The following MPP3 variants were observed in gnomAD, a reference collection of about 807,000 sequenced individuals.
MPP3 encodes MAGUK p55 scaffold protein 3, also known as MAGUK p55 subfamily member 3.
A neutral mutation model predicts 80.7 loss-of-function variants in MPP3; 48 were observed. The ratio of observed to expected loss-of-function variants is 0.59; its 90% CI spans 0.47 to 0.76. MPP3 has a LOEUF of 0.76. Among genes scored for constraint, MPP3 ranks in the 30% least tolerant of loss-of-function variants. The pLI, the probability that MPP3 is intolerant of heterozygous loss-of-function variation, is 0.00. For missense variants in MPP3, 620 were observed against 763.0 expected, an observed-to-expected ratio of 0.81 and a Z score of 2.21; for synonymous variants, 311 against 297.6, an observed-to-expected ratio of 1.04 and a Z score of -0.46.
In MPP3 at chr17:43,809,092, T is replaced by C. The variant is rs1452276856; in HGVS notation, c.1459-14A>G. ...TTGTTTCAGTGCCTGAGAAAGAAAG[T>C]TCAGGAATATTATATACTTTTGAAG... On this transcript the variant is annotated splice_polypyrimidine_tract_variant and intron_variant, in intron 18 of 19. Coordinates refer to ENST00000398389, the MANE Select transcript of MPP3 (RefSeq NM_001932.6). 1 of 1,576,718 alleles carries C rather than the reference T, an allele frequency of 6.3e-7. No homozygotes were observed. Among genetic ancestry groups the C allele is most frequent in the Non-Finnish European group, 8.5e-7 (1 of 1,169,842 alleles).
In MPP3 at chr17:43,808,828, A is replaced by G. The variant is rs184328403; in HGVS notation, c.1581+128T>C. On this transcript the variant is annotated intron_variant, in intron 19 of 19. Coordinates refer to ENST00000398389, the MANE Select transcript of MPP3 (RefSeq NM_001932.6). ...AAGTTTTTCAATAGGCAAAATGGAAAGACAATCACATGTAGAAGGTGTGTC... is the reference window on the plus strand; with the variant it reads ...AAGTTTTTCAATAGGCAAAATGGAAGGACAATCACATGTAGAAGGTGTGTC... 1.3e-5 allele frequency: 14 copies of G among 1,090,006 alleles called. No homozygotes were observed. In the Admixed American group the frequency reaches 3.7e-4, roughly 29 times the overall value. 67.5% of individuals were successfully genotyped at this position (1,090,006 alleles called of 1,614,324 possible).
chr17:43,811,867 A>G (rs2044877591), intron 16 of MPP3, among the ~76,000 whole-genome samples: 1 of 152,194 alleles, frequency 6.6e-6, no homozygotes, highest in South Asian at 2.1e-4. Context: ...TGCTGGGATT[A>G]CAGACATGAG....
chr17:43,802,933 C>T (rs1311048181), intron 19 of MPP3, among the ~76,000 whole-genome samples: 2 of 152,008 alleles, frequency 1.3e-5, no homozygotes, highest in Non-Finnish European at 2.9e-5. Flanking sequence ...TTTCAGGATT[C>T]GAGTCCTCAA....
At chr17:43,829,535 G>A (rs1000571563) in intron 7 of MPP3, 119 bp downstream of exon 7, 9 of 1,191,970 alleles carry the variant, frequency 7.6e-6, no homozygotes, top group South Asian at 1.4e-5. Flanking sequence ...GAGCAGCAGC[G>A]CAGGCAAAGC....
intron 18 of MPP3, 102 bp downstream of exon 18, chr17:43,810,705 A>ACTAAAAATT: frequency 1.3e-6 from 1 of 780,972 alleles, no homozygotes; most frequent in Admixed American, 2.6e-5. Flanking sequence ...AGTGTTCTAG[A>ACTAAAAATT]CTAAAAATTC....
chr17:43,818,695 C>G (rs376422912), intron 11 of MPP3, among the ~76,000 whole-genome samples: 1 of 152,150 alleles, frequency 6.6e-6, no homozygotes, highest in East Asian at 1.9e-4. Context: ...GAGGCCGAGG[C>G]GGGAGGATCA....
chr17:43,811,925 A>G (rs1357414169), intron 16 of MPP3, among the ~76,000 whole-genome samples: 1 of 151,670 alleles, frequency 6.6e-6, no homozygotes, highest in Non-Finnish European at 1.5e-5. Flanking sequence ...CACTTAAGGG[A>G]CCCCTAGTCC....
At chr17:43,824,599 G>A (rs2045612765) in intron 9 of MPP3, among the ~76,000 whole-genome samples, 3 of 152,014 alleles carry the variant, frequency 2.0e-5, no homozygotes. Flanking sequence ...GTCGGACCAG[G>A]ACAGCAGGGC....
At chr17:43,811,008 G>A (rs559804869) in intron 17 of MPP3, 93 bp from the exon 18 acceptor site, 93 of 1,421,852 alleles carry the variant, frequency 6.5e-5, no homozygotes, top group South Asian at 1.7e-4. Flanking sequence ...CTTCTCTCCC[G>A]CTTCCCCCAT....
chr17:43,830,141 A>G (rs60335331), intron 5 of MPP3, 34 bp from the exon 6 acceptor site: 329,443 of 1,471,908 alleles, frequency 0.22, 41,705 homozygotes, highest in African/African-American at 0.52. Flanking sequence ...ACTGATGGCT[A>G]GAGGTGCCCC....
intron 5 of MPP3, 63 bp downstream of exon 5, chr17:43,831,181 G>A: frequency 1.3e-6 from 2 of 1,512,360 alleles, no homozygotes; most frequent in Non-Finnish European, 9.2e-7. Flanking sequence ...AGCGAGGCAA[G>A]ATGAAGGAGC....
chr17:43,822,970 T>G (rs2045536063), intron 10 of MPP3, among the ~76,000 whole-genome samples: 1 of 152,096 alleles, frequency 6.6e-6, no homozygotes, highest in South Asian at 2.1e-4. Context: ...GATGGAGGCG[T>G]GTGTTCTACA....
chr17:43,805,096 T>C (rs911096638), intron 19 of MPP3, among the ~76,000 whole-genome samples: 4 of 152,146 alleles, frequency 2.6e-5, no homozygotes, highest in African/African-American at 7.2e-5. Context: ...GGGACTTGTA[T>C]CCAAATAGAT....
chr17:43,826,539 G>C (rs957140223), intron 8 of MPP3, among the ~76,000 whole-genome samples: 1 of 152,152 alleles, frequency 6.6e-6, no homozygotes, highest in Admixed American at 6.5e-5. Flanking sequence ...CCAGACTTTG[G>C]GGGTAACATC....
At chr17:43,818,589 G>A (rs920478828) in intron 11 of MPP3, among the ~76,000 whole-genome samples, 3 of 152,162 alleles carry the variant, frequency 2.0e-5, no homozygotes, top group Non-Finnish European at 2.9e-5. Flanking sequence ...GCCATGAGTG[G>A]AGAGGTGGGG....
At chr17:43,821,169 T>C in intron 10 of MPP3, 111 bp from the exon 11 acceptor site, 1 of 1,013,240 alleles carries the variant, frequency 9.9e-7, no homozygotes, top group Non-Finnish European at 1.5e-6. Flanking sequence ...GAGGACCAAG[T>C]GGCCTTTCAA....
chr17:43,819,749 A>G (rs1212866617), intron 11 of MPP3, among the ~76,000 whole-genome samples: 2 of 151,996 alleles, frequency 1.3e-5, no homozygotes, highest in Non-Finnish European at 2.9e-5. Context: ...AAATCACACT[A>G]CAAAAACGAT....
chr17:43,818,560 G>A (rs546401449), intron 11 of MPP3, among the ~76,000 whole-genome samples: 13 of 152,294 alleles, frequency 8.5e-5, no homozygotes, highest in Admixed American at 2.6e-4. Flanking sequence ...GGCTCAGCCC[G>A]GGCAGACTGT....
At chr17:43,829,538 G>C (rs779364181) in intron 7 of MPP3, 116 bp downstream of exon 7, 7 of 1,259,332 alleles carry the variant, frequency 5.6e-6, no homozygotes, top group Middle Eastern at 4.7e-4. Flanking sequence ...CAGCAGCGCA[G>C]GCAAAGCTGC....
Sources: allele counts gnomAD v4.1 joint callset (sites outside exome capture counted in the v4.1 genomes callset), GRCh38; gene constraint gnomAD v4.1.1; transcripts MANE v1.5; gene names NCBI Gene and HGNC (gene_info 2026-07-23, HGNC 2026-07-21).